GPC5: variants seen among roughly 807,000 people sequenced by gnomAD.
The protein encoded by GPC5 is glypican 5.
GPC5 carries 47 observed loss-of-function variants against 53.9 expected under a neutral mutation model. The ratio of observed to expected loss-of-function variants is 0.87; its 90% CI spans 0.69 to 1.11. GPC5 has a LOEUF of 1.11. Among genes scored for constraint, GPC5 ranks in the 50% most tolerant of loss-of-function variants. The probability of loss-of-function intolerance (pLI) is 0.00; values close to 1 mark genes in which losing one functional copy is unlikely to be tolerated. For synonymous variants in GPC5, 286 were observed against 263.3 expected (o/e 1.09, Z -0.84); for missense variants, 748 against 713.1 (o/e 1.05, Z -0.56).
At chr13:92,219,255 G>A (rs2042432178) in intron 7 of GPC5, among the ~76,000 whole-genome samples, 1 of 151,588 alleles carries the variant, frequency 6.6e-6, no homozygotes, top group Admixed American at 6.6e-5. Context: ...GTTTCTTCTG[G>A]CATTCACCTC....
intron 7 of GPC5, among the ~76,000 whole-genome samples, chr13:92,237,106 T>A (rs2042576170): frequency 6.6e-6 from 1 of 152,200 alleles, no homozygotes; most frequent in Non-Finnish European, 1.5e-5. Flanking sequence ...TTCTGAAAAC[T>A]CTCTTGAGCT....
At chr13:91,476,096 C>T (rs1882913407) in intron 2 of GPC5, among the ~76,000 whole-genome samples, 1 of 152,160 alleles carries the variant, frequency 6.6e-6, no homozygotes. Context: ...GCACTATTGA[C>T]ACTGGGACCA....
chr13:92,159,695 C>G (rs1172781211), intron 7 of GPC5, among the ~76,000 whole-genome samples: 1 of 148,750 alleles, frequency 6.7e-6, no homozygotes, highest in Non-Finnish European at 1.5e-5. Context: ...CTCCGCCTCC[C>G]GGGTTCACGC....
At chr13:91,591,628 A>T (rs72641452) in intron 2 of GPC5, among the ~76,000 whole-genome samples, 10,698 of 152,166 alleles carry the variant, frequency 0.07, 420 homozygotes, top group Non-Finnish European at 0.087. Context: ...AGTTTTGTTC[A>T]TTTTTTAAAA....
chr13:91,487,123 C>T (rs1487926161), intron 2 of GPC5, among the ~76,000 whole-genome samples: 1 of 151,736 alleles, frequency 6.6e-6, no homozygotes, highest in Non-Finnish European at 1.5e-5. Flanking sequence ...AATGAACTGA[C>T]AAAATGCAGA....
chr13:92,744,232 G>A (rs1389124622), intron 7 of GPC5, among the ~76,000 whole-genome samples: 9 of 149,558 alleles, frequency 6.0e-5, no homozygotes, highest in African/African-American at 2.2e-4. Context: ...TTCTGGTTTG[G>A]AAAAAAAAAA....
At chr13:92,072,959 CTT>C (rs2041224952) in intron 6 of GPC5, among the ~76,000 whole-genome samples, 1 of 152,122 alleles carries the variant, frequency 6.6e-6, no homozygotes, top group Non-Finnish European at 1.5e-5. Flanking sequence ...TACTATTAAA[CTT>C]AATAAAATTT....
intron 2 of GPC5, among the ~76,000 whole-genome samples, chr13:91,518,095 C>T (rs1372821683): frequency 1.3e-5 from 2 of 152,198 alleles, no homozygotes; most frequent in African/African-American, 4.8e-5. Context: ...CTTTACATTA[C>T]ACAAGGAACA....
At chr13:91,493,454 AT>A (rs907958543) in intron 2 of GPC5, among the ~76,000 whole-genome samples, 1 of 152,000 alleles carries the variant, frequency 6.6e-6, no homozygotes, top group Admixed American at 6.6e-5. Context: ...CTTTCTAATT[AT>A]TTTTTTGTAC....
chr13:92,461,812 C>T (rs904643220), intron 7 of GPC5, among the ~76,000 whole-genome samples: 1 of 152,184 alleles, frequency 6.6e-6, no homozygotes, highest in Non-Finnish European at 1.5e-5. Flanking sequence ...TTCTCAGCCT[C>T]CAGAACTGTG....
intron 6 of GPC5, among the ~76,000 whole-genome samples, chr13:92,131,112 T>C (rs2041739548): frequency 6.6e-6 from 1 of 151,864 alleles, no homozygotes; most frequent in Non-Finnish European, 1.5e-5. Flanking sequence ...TGCTCAGAAA[T>C]GCAAATTAAA....
intron 7 of GPC5, chr13:92,446,648 G>C (rs1014853090): frequency 1.3e-5 from 2 of 152,084 alleles, no homozygotes; most frequent in Non-Finnish European, 2.9e-5. Context: ...TGTATACCTA[G>C]CAGTGGAATT....
intron 2 of GPC5, among the ~76,000 whole-genome samples, chr13:91,488,418 G>A (rs999644949): frequency 1.4e-4 from 21 of 152,136 alleles, no homozygotes; most frequent in Non-Finnish European, 1.9e-4. Flanking sequence ...CCTATGTTGC[G>A]GAAAGTCAGG....
intron 5 of GPC5, among the ~76,000 whole-genome samples, chr13:91,867,427 T>C (rs2039097264): frequency 6.6e-6 from 1 of 152,224 alleles, no homozygotes; most frequent in South Asian, 2.1e-4. Flanking sequence ...TGGTGTCTGC[T>C]CAGTGTTTTC....
At chr13:92,323,905 CA>C (rs991459115) in intron 7 of GPC5, among the ~76,000 whole-genome samples, 2 of 151,762 alleles carry the variant, frequency 1.3e-5, no homozygotes, top group Non-Finnish European at 2.9e-5. Context: ...TGACTCATAT[CA>C]AAAAAATAAT....
At chr13:92,695,306 A>G (rs537208659) in intron 7 of GPC5, among the ~76,000 whole-genome samples, 1 of 152,286 alleles carries the variant, frequency 6.6e-6, no homozygotes, top group South Asian at 2.1e-4. Context: ...AGTTCCTTAT[A>G]GATTCTAGAT....
chr13:91,939,530 T>C (rs2039905005), intron 6 of GPC5, among the ~76,000 whole-genome samples: 1 of 152,184 alleles, frequency 6.6e-6, no homozygotes, highest in Non-Finnish European at 1.5e-5. Context: ...TGGAATTCTC[T>C]AAGTAGCTCT....
chr13:92,336,975 C>G (rs2043328166), intron 7 of GPC5, among the ~76,000 whole-genome samples: 1 of 152,014 alleles, frequency 6.6e-6, no homozygotes, highest in African/African-American at 2.4e-5. Flanking sequence ...TCTCATGAGA[C>G]TTATTCACTA....
chr13:92,125,366 TATAA>T (rs1210735574), intron 6 of GPC5, among the ~76,000 whole-genome samples: 1 of 152,100 alleles, frequency 6.6e-6, no homozygotes, highest in East Asian at 1.9e-4. Context: ...ATATATTACA[TATAA>T]ATAAATAATA....
Sources: gnomAD v4.1 joint callset for allele counts (sites outside exome capture counted in the v4.1 genomes callset) on GRCh38, gnomAD v4.1.1 for gene constraint, MANE v1.5 for transcripts, NCBI Gene and HGNC (gene_info 2026-07-23, HGNC 2026-07-21) for gene names.